The following GAS7 variants were observed in gnomAD, a reference collection of about 807,000 sequenced individuals.
The protein encoded by GAS7 is growth arrest specific 7.
In GAS7, 28 loss-of-function variants were observed where a neutral mutation model predicts 71.1. The ratio of observed to expected loss-of-function variants is 0.39; its 90% CI spans 0.29 to 0.54. GAS7 has a LOEUF of 0.54. Ranked by LOEUF, GAS7 falls within the 20% of genes least tolerant of loss-of-function variation. The probability of loss-of-function intolerance (pLI) is 0.62; values close to 1 mark genes in which losing one functional copy is unlikely to be tolerated. For missense variants in GAS7, 436 were observed against 627.8 expected (o/e 0.69, Z 3.27); for synonymous variants, 258 against 245.8 (o/e 1.05, Z -0.46).
At chr17:9,973,950 T>C (rs2070077804) in intron 3 of GAS7, among the ~76,000 whole-genome samples, 1 of 152,160 alleles carries the variant, frequency 6.6e-6, no homozygotes, top group African/African-American at 2.4e-5. Context: ...GAACCAAGGT[T>C]GTCCCAGCTC....
At chr17:9,963,038 T>TG (rs1206069626) in intron 4 of GAS7, among the ~76,000 whole-genome samples, 1 of 88,466 alleles carries the variant, frequency 1.1e-5, no homozygotes, top group African/African-American at 4.2e-5. Flanking sequence ...GTCAAGGTGA[T>TG]GAAAAAAAAA....
At chr17:10,042,867 G>A (rs1053862303) in intron 1 of GAS7, among the ~76,000 whole-genome samples, 19 of 152,348 alleles carry the variant, frequency 1.2e-4, no homozygotes, top group African/African-American at 4.1e-4. Context: ...AAGTTGATTC[G>A]GAAGGAAATG....
At chr17:9,935,619 A>G (rs942368630) in intron 8 of GAS7, among the ~76,000 whole-genome samples, 2 of 152,374 alleles carry the variant, frequency 1.3e-5, no homozygotes, top group South Asian at 2.1e-4. Context: ...AGAATTGCCC[A>G]ACAGTGCACA....
At chr17:10,174,643 G>C (rs2074359460) in intron 1 of GAS7, among the ~76,000 whole-genome samples, 1 of 151,840 alleles carries the variant, frequency 6.6e-6, no homozygotes, top group Admixed American at 6.6e-5. Flanking sequence ...AGTGAGCTGA[G>C]ATCGCACCAC....
Position 9,959,090 on chromosome 17 carries a change from T to A in GAS7, c.525+112A>T. On this transcript the variant is annotated intron_variant, in intron 5 of 13. Coordinates refer to ENST00000432992, the MANE Select transcript of GAS7 (RefSeq NM_201433.2). This position sits in a 1 kb window ranked among gnomAD's most constrained non-coding sequence, Gnocchi z 5.0. ...AAATCCGAGCTTTGGAACTTCCCCG[T>A]TTCCAGGTTGGGCATCACTTCTGCT... The A allele has an allele frequency of 7.3e-7, 1 of 1,375,518 alleles. No individual in the cohort carries two copies. 85.2% of individuals were successfully genotyped at this position (1,375,518 alleles called of 1,614,324 possible).
At chr17:10,142,914 T>C (rs2074093711) in intron 1 of GAS7, among the ~76,000 whole-genome samples, 1 of 151,940 alleles carries the variant, frequency 6.6e-6, no homozygotes, top group African/African-American at 2.4e-5. Context: ...ATCTAGCCTG[T>C]AATCCCCGCA....
intron 1 of GAS7, among the ~76,000 whole-genome samples, chr17:10,058,111 G>A (rs950351191): frequency 2.6e-5 from 4 of 152,268 alleles, no homozygotes; most frequent in East Asian, 3.9e-4. Flanking sequence ...CAAACACTGC[G>A]GAAGGCCGCA....
intron 1 of GAS7, among the ~76,000 whole-genome samples, chr17:10,051,562 G>C (rs1181292732): frequency 6.6e-6 from 1 of 152,172 alleles, no homozygotes; most frequent in African/African-American, 2.4e-5. Flanking sequence ...AGCTGAAGGA[G>C]ACCCTGCCAG....
intron 2 of GAS7, among the ~76,000 whole-genome samples, chr17:10,017,132 A>AT (rs2072061295): frequency 3.9e-5 from 5 of 127,270 alleles, no homozygotes; most frequent in South Asian, 2.3e-4. Flanking sequence ...CCCTGTCTAA[A>AT]AAAATAAATA....
At chr17:10,035,790 T>A (rs560557142) in intron 1 of GAS7, among the ~76,000 whole-genome samples, 8 of 152,140 alleles carry the variant, frequency 5.3e-5, no homozygotes, top group Non-Finnish European at 1.2e-4. Context: ...AGAGCTTCCA[T>A]CATCACTGTT....
chr17:9,942,995 C>T (rs1486125482), intron 7 of GAS7, 126 bp downstream of exon 7: 4 of 607,116 alleles, frequency 6.6e-6, no homozygotes. Flanking sequence ...GAGTTTGCCG[C>T]CTGGCGCTAA....
At chr17:10,140,989 T>G (rs2074075245) in intron 1 of GAS7, among the ~76,000 whole-genome samples, 1 of 152,240 alleles carries the variant, frequency 6.6e-6, no homozygotes, top group Non-Finnish European at 1.5e-5. Context: ...TGCCAGCTTC[T>G]GGACTGGCCC....
At chr17:10,177,077 C>T (rs1427668808) in intron 1 of GAS7, among the ~76,000 whole-genome samples, 2 of 152,148 alleles carry the variant, frequency 1.3e-5, no homozygotes, top group African/African-American at 4.8e-5. Flanking sequence ...AGGAAACAGT[C>T]AAATAAATAA....
At chr17:10,016,190 C>G (rs1317970309) in intron 2 of GAS7, among the ~76,000 whole-genome samples, 3 of 150,762 alleles carry the variant, frequency 2.0e-5, no homozygotes, top group Admixed American at 1.3e-4. Context: ...TCGAGACCAC[C>G]CTGGCTAACA....
intron 1 of GAS7, among the ~76,000 whole-genome samples, chr17:10,045,526 G>A (rs140404902): frequency 0.02 from 3,072 of 152,136 alleles, 103 homozygotes; most frequent in African/African-American, 0.068. Context: ...GTGAAACCCC[G>A]TCTCTACTAA....
chr17:9,918,237 T>C, intron 12 of GAS7, 138 bp from the exon 13 acceptor site: 3 of 626,434 alleles, frequency 4.8e-6, no homozygotes, highest in Non-Finnish European at 5.6e-6. Context: ...ATGAAGAGCG[T>C]GCCCCATATC....
chr17:10,112,431 G>A (rs1210351350), intron 1 of GAS7, among the ~76,000 whole-genome samples: 1 of 152,110 alleles, frequency 6.6e-6, no homozygotes, highest in Non-Finnish European at 1.5e-5. Context: ...GATAATAGGA[G>A]TAGCATGTAG....
chr17:10,097,608 A>G (rs1386652797), intron 1 of GAS7, among the ~76,000 whole-genome samples: 1 of 152,176 alleles, frequency 6.6e-6, no homozygotes, highest in East Asian at 1.9e-4. Context: ...TCACATTTTT[A>G]CAAACTCAGG....
At chr17:10,039,473 G>A (rs942756776) in intron 1 of GAS7, among the ~76,000 whole-genome samples, 1 of 152,098 alleles carries the variant, frequency 6.6e-6, no homozygotes, top group African/African-American at 2.4e-5. Flanking sequence ...TTTGAGGTCA[G>A]GAGTTCGAGA....
Sources: gnomAD v4.1 joint callset for allele counts (sites outside exome capture counted in the v4.1 genomes callset) on GRCh38, gnomAD v4.1.1 for gene constraint, Gnocchi (gnomAD v3.1) non-coding constraint, MANE v1.5 for transcripts, NCBI Gene and HGNC (gene_info 2026-07-23, HGNC 2026-07-21) for gene names.